The following DLG2 variants were observed in gnomAD, a reference collection of about 807,000 sequenced individuals.
DLG2 encodes the protein discs large MAGUK scaffold protein 2, also known as disks large homolog 2.
A neutral mutation model predicts 132.5 loss-of-function variants in DLG2; 45 were observed. The ratio of observed to expected loss-of-function variants is 0.34; its 90% CI spans 0.27 to 0.44. DLG2 has a LOEUF of 0.44. Ranked by LOEUF, DLG2 falls within the 20% of genes least tolerant of loss-of-function variation. DLG2 has a pLI of 1.00. For missense variants in DLG2, 1,045 were observed against 1,196.9 expected (o/e 0.87, Z 1.87); for synonymous variants, 424 against 419.6 (o/e 1.01, Z -0.13).
At chr11:83,994,025 T>TC (rs1242101043) in intron 11 of DLG2, among the ~76,000 whole-genome samples, 1 of 152,152 alleles carries the variant, frequency 6.6e-6, no homozygotes, top group African/African-American at 2.4e-5. Context: ...TAACATCTCC[T>TC]CTGAAAAGTT....
At chr11:84,221,375 A>G (rs765905612) in intron 8 of DLG2, among the ~76,000 whole-genome samples, 6 of 151,970 alleles carry the variant, frequency 3.9e-5, no homozygotes, top group Non-Finnish European at 7.4e-5. Flanking sequence ...GAGGCAGGAG[A>G]ATCGCTTGAA....
At chr11:84,445,568 T>A (rs1398031108) in intron 7 of DLG2, among the ~76,000 whole-genome samples, 3 of 152,180 alleles carry the variant, frequency 2.0e-5, no homozygotes, top group Admixed American at 6.5e-5. Flanking sequence ...TTTTCTTTTT[T>A]AAAAAATGTA....
At chr11:83,699,897 GTA>G (rs1395549839) in intron 18 of DLG2, among the ~76,000 whole-genome samples, 3 of 148,826 alleles carry the variant, frequency 2.0e-5, no homozygotes, top group African/African-American at 7.5e-5. Flanking sequence ...ATGTATGTAT[GTA>G]TGTATGTATC....
chr11:85,516,440 T>C (rs1376366098), intron 3 of DLG2, among the ~76,000 whole-genome samples: 1 of 151,748 alleles, frequency 6.6e-6, no homozygotes, highest in Non-Finnish European at 1.5e-5. Flanking sequence ...AAAAATTCAA[T>C]GATCAGAGCA....
intron 6 of DLG2, among the ~76,000 whole-genome samples, chr11:84,757,946 C>T (rs2067105483): frequency 6.6e-6 from 1 of 152,164 alleles, no homozygotes; most frequent in Admixed American, 6.5e-5. Flanking sequence ...CCCCTTTAGC[C>T]TAACCAGCAG....
chr11:85,386,452 G>T (rs1163568431), intron 3 of DLG2, among the ~76,000 whole-genome samples: 1 of 152,104 alleles, frequency 6.6e-6, no homozygotes, highest in African/African-American at 2.4e-5. Flanking sequence ...GACTTCTGAC[G>T]TGCTTTTCTG....
intron 6 of DLG2, among the ~76,000 whole-genome samples, chr11:84,974,114 G>A (rs1251682381): frequency 1.3e-5 from 2 of 152,204 alleles, no homozygotes; most frequent in African/African-American, 4.8e-5. Context: ...AGCCAAGGGT[G>A]CAGGTTGGTC....
intron 7 of DLG2, among the ~76,000 whole-genome samples, chr11:84,499,424 C>T (rs945122103): frequency 2.6e-5 from 4 of 152,296 alleles, no homozygotes; most frequent in African/African-American, 9.6e-5. Flanking sequence ...ATCCCATGAC[C>T]TTTACTCTAA....
At chr11:84,877,459 G>T (rs995931408) in intron 6 of DLG2, among the ~76,000 whole-genome samples, 18 of 141,250 alleles carry the variant, frequency 1.3e-4, no homozygotes, top group Non-Finnish European at 2.5e-4. Context: ...TGTCTTTTTT[G>T]ATATTTGTTG....
intron 6 of DLG2, among the ~76,000 whole-genome samples, chr11:84,537,062 C>T (rs532398677): frequency 3.5e-5 from 1 of 28,590 alleles, no homozygotes; most frequent in South Asian, 1.1e-3. Context: ...TCTTACACTG[C>T]CATAACCCTA....
At chr11:84,728,155 C>T (rs1313031203) in intron 6 of DLG2, among the ~76,000 whole-genome samples, 2 of 152,144 alleles carry the variant, frequency 1.3e-5, no homozygotes, top group Admixed American at 6.5e-5. Context: ...AGAGGGCATC[C>T]TTGTCTTGTG....
intron 8 of DLG2, chr11:84,166,768 T>C (rs2095676022): frequency 2.8e-5 from 10 of 360,754 alleles, no homozygotes; most frequent in South Asian, 2.3e-4. Flanking sequence ...AAAACTGTTA[T>C]AAATGGCTCC....
intron 7 of DLG2, among the ~76,000 whole-genome samples, chr11:84,288,668 C>A (rs1356000600): frequency 1.3e-5 from 2 of 151,980 alleles, no homozygotes; most frequent in African/African-American, 4.8e-5. Flanking sequence ...GCTAATGTAT[C>A]AACAGAAAAA....
intron 3 of DLG2, among the ~76,000 whole-genome samples, chr11:85,527,710 C>T (rs2074888704): frequency 6.6e-6 from 1 of 152,006 alleles, no homozygotes; most frequent in African/African-American, 2.4e-5. Context: ...GGGTATATAC[C>T]CATTAATGGG....
rs752095442 is a variant in DLG2, at chr11:83,466,693, A to G, written c.2729+15T>C. ...GGAGTCAGTTGGATGAAGGCCTCCAATGCCCTCTACTCACATAAGAGGTTC... is the reference window on the plus strand; with the variant it reads ...GGAGTCAGTTGGATGAAGGCCTCCAGTGCCCTCTACTCACATAAGAGGTTC... On this transcript the variant is annotated intron_variant, in intron 26 of 27. Transcript: ENST00000376104. 34 of 1,489,900 alleles carry G rather than the reference A, an allele frequency of 2.3e-5. No homozygotes were observed. Among genetic ancestry groups the G allele is most frequent in the African/African-American group, 5.5e-5 (4 of 72,408 alleles). The allele number at this position is 1,489,900 out of a possible 1,614,324, so 92.3% of individuals were successfully genotyped here.
chr11:83,874,199 GAGAA>G (rs142349827), intron 16 of DLG2, among the ~76,000 whole-genome samples: 55,878 of 143,840 alleles, frequency 0.39, 10,663 homozygotes, highest in South Asian at 0.52. Context: ...ACAAAAGAAA[GAGAA>G]AGAAAGACAG....
intron 11 of DLG2, among the ~76,000 whole-genome samples, chr11:84,047,344 C>T (rs777489343): frequency 6.6e-6 from 1 of 151,562 alleles, no homozygotes; most frequent in Non-Finnish European, 1.5e-5. Flanking sequence ...TAATTAGATG[C>T]CGATACATAC....
At chr11:85,300,240 C>T (rs2079504824) in intron 3 of DLG2, among the ~76,000 whole-genome samples, 1 of 152,082 alleles carries the variant, frequency 6.6e-6, no homozygotes, top group Non-Finnish European at 1.5e-5. Flanking sequence ...ATGGGAGCAA[C>T]AAAACAAAAT....
At chr11:83,853,438 G>T (rs968286800) in intron 16 of DLG2, among the ~76,000 whole-genome samples, 1 of 152,058 alleles carries the variant, frequency 6.6e-6, no homozygotes, top group East Asian at 1.9e-4. Context: ...CTATACTCCT[G>T]GAGGGCTCCA....
Sources: gnomAD v4.1 joint callset for allele counts (sites outside exome capture counted in the v4.1 genomes callset) on GRCh38, gnomAD v4.1.1 for gene constraint, MANE v1.5 for transcripts, NCBI Gene and HGNC (gene_info 2026-07-23, HGNC 2026-07-21) for gene names.